PRR27: variants seen among roughly 807,000 people sequenced by gnomAD.
PRR27 encodes proline-rich protein 27.
A neutral mutation model predicts 16.8 loss-of-function variants in PRR27; 12 were observed. The ratio of observed to expected loss-of-function variants is 0.71; its 90% CI spans 0.46 to 1.16. The LOEUF is 1.16. Among genes scored for constraint, PRR27 ranks in the 50% most tolerant of loss-of-function variants. The pLI is 0.00. For synonymous variants in PRR27, 100 were observed against 98.4 expected (o/e 1.02, Z -0.10); for missense variants, 277 against 273.3 (o/e 1.01, Z -0.10).
chr4:70,158,730 G>A lies in PRR27; in HGVS notation c.478G>A (p.Ala160Thr), dbSNP rs1728558600. ...AGAPVAAEPA[A>T]EAPVGAEPAA... ...GGCCCCTGTTGCAGCTGAGCCTGCT[G>A]CAGAGGCACCTGTTGGAGCTGAGCC... Residue 160 changes from alanine to threonine, a missense_variant, in exon 3 of 5, where the codon GCA (alanine) becomes ACA (threonine). Coordinates refer to ENST00000344526, the MANE Select transcript of PRR27 (RefSeq NM_214711.4). 10 of 1,578,040 alleles carry A rather than the reference G, an allele frequency of 6.3e-6. No individual in the cohort carries two copies. The highest frequency in any genetic ancestry group is 5.4e-5 in the African/African-American group (4 of 74,302).
At chr4:70,158,297 A>AACAG (rs1728537882) in intron 2 of PRR27, 31 bp from the exon 3 acceptor site, 3 of 1,479,564 alleles carry the variant, frequency 2.0e-6, no homozygotes, top group East Asian at 2.3e-5. Context: ...GACAAATACA[A>AACAG]TCAACTTCGA....
At chr4:70,158,045 C>T (rs1728530337) in intron 2 of PRR27, among the ~76,000 whole-genome samples, 1 of 152,130 alleles carries the variant, frequency 6.6e-6, no homozygotes, top group Middle Eastern at 3.2e-3. Context: ...GAGTGCTTTC[C>T]TTCTATCTTT....
Position 70,154,393 on chromosome 4 carries a change from G to A in PRR27, c.18G>A (p.Trp6Ter), listed in dbSNP as rs1449924352. ...CAATCAAAATGAAGCTTCTCCTTTG[G>A]GCCTGCATTGTATGTGTTGCTTTTG... The part of the protein sequence containing the change: MKLLL[W>*]ACIVCVAFAR... The change falls in exon 1 of 5, where the codon TGG becomes TGA. Residue 6 changes from tryptophan to a stop codon, truncating the protein, a stop_gained. Coordinates refer to ENST00000344526, the MANE Select transcript of PRR27 (RefSeq NM_214711.4). LOFTEE classifies it high-confidence loss of function. 2 of 1,612,718 alleles carry A rather than the reference G, an allele frequency of 1.2e-6. No individual in the cohort carries two copies. The highest frequency in any genetic ancestry group is 2.7e-5 in the African/African-American group (2 of 74,922).
At chr4:70,162,609 CAT>C (rs1393461429) in intron 4 of PRR27, 84 bp from the exon 5 acceptor site, 1 of 152,100 alleles carries the variant, frequency 6.6e-6, no homozygotes, top group Non-Finnish European at 1.5e-5. Flanking sequence ...ACATTAAAAT[CAT>C]AAATCAAGAA....
At chr4:70,161,156 GTATATATA>G (rs371303125) in intron 3 of PRR27, among the ~76,000 whole-genome samples, 2 of 93,922 alleles carry the variant, frequency 2.1e-5, no homozygotes, top group Non-Finnish European at 3.8e-5. Context: ...TATGAACACT[GTATATATA>G]TATATATATA....
At chr4:70,159,172 T>C (rs986565345) in intron 3 of PRR27, among the ~76,000 whole-genome samples, 2 of 152,164 alleles carry the variant, frequency 1.3e-5, no homozygotes, top group Non-Finnish European at 2.9e-5. Context: ...TAATCCCACA[T>C]TCCCCATCCT....
chr4:70,158,280 T>C (rs1443143475), intron 2 of PRR27, 48 bp from the exon 3 acceptor site: 3 of 1,096,090 alleles, frequency 2.7e-6, no homozygotes, highest in African/African-American at 2.4e-5. Flanking sequence ...AAGTAATATA[T>C]AGACAGGACA....
chr4:70,158,052 C>A (rs968046928), intron 2 of PRR27, among the ~76,000 whole-genome samples: 1 of 152,186 alleles, frequency 6.6e-6, no homozygotes, highest in East Asian at 1.9e-4. Flanking sequence ...TTCCTTCTAT[C>A]TTTGTCCTGG....
Position 70,154,287 on chromosome 4 carries a change from C to A in PRR27, c.-89C>A, listed in dbSNP as rs929796577. 14 of 1,152,974 alleles carry A rather than the reference C, an allele frequency of 1.2e-5. No homozygotes were observed. Among genetic ancestry groups the A allele is most frequent in the Admixed American group, 9.8e-5 (5 of 50,894 alleles). 71.4% of individuals were successfully genotyped at this position (1,152,974 alleles called of 1,614,324 possible). A position where few individuals can be genotyped will look rare whatever the true frequency, so the allele number is the denominator to read the frequency against. On this transcript the variant is annotated 5_prime_UTR_variant, in exon 1 of 5. Transcript: ENST00000344526. ...AAGCCATGTATTCTTTCGTTTCTCT[C>A]TAAAAGAAGAAAAATATAATTTAAA... is the stretch of plus-strand genomic sequence containing the variant.
intron 1 of PRR27, chr4:70,154,850 C>A: frequency 1.1e-6 from 1 of 943,186 alleles, no homozygotes; most frequent in Non-Finnish European, 1.5e-6. Context: ...CACATCATAC[C>A]TTTAGTGGAC....
rs1213664149 is a variant in PRR27, at chr4:70,166,291, C to T, written c.*3630C>T. ...AATTTAAGTTAATTATAGGCCTTATCTCAGACCTTTGCAAGTAGCCTGAAT... is the reference window on the plus strand; with the variant it reads ...AATTTAAGTTAATTATAGGCCTTATTTCAGACCTTTGCAAGTAGCCTGAAT... On this transcript the variant is annotated 3_prime_UTR_variant, in exon 5 of 5. Transcript: ENST00000344526. The T allele has an allele frequency of 6.6e-6, 1 of 151,946 alleles. No homozygotes were observed. The highest frequency in any genetic ancestry group is 2.4e-5 in the African/African-American group (1 of 41,388). The allele number at this position is 151,946 out of a possible 1,614,324, so 9.4% of individuals were successfully genotyped here. A position where few individuals can be genotyped will look rare whatever the true frequency, so the allele number is the denominator to read the frequency against.
chr4:70,161,597 A>C lies in PRR27; in HGVS notation c.660A>C (p.Ter220CysextTer17). ...PSPSLEQANQ[*>C] is the part of the protein sequence containing the mutation. ...TTAATGTTTTCTAGGCAAATCAGTG[A>C]AATTCTCTAGAAGAGTACCATGGGT... Residue 220 changes from the stop codon to cysteine (C), a stop_lost, in exon 4 of 5, where the codon TGA (stop) becomes TGC (cysteine). Transcript: ENST00000344526. 6.6e-7 allele frequency: 1 copy of C among 1,516,070 alleles called. No homozygotes were observed. The highest frequency in any genetic ancestry group is 9.1e-7 in the Non-Finnish European group (1 of 1,099,608). 93.9% of individuals were successfully genotyped at this position (1,516,070 alleles called of 1,614,324 possible).
intron 4 of PRR27, among the ~76,000 whole-genome samples, chr4:70,162,009 A>G (rs777078102): frequency 6.6e-6 from 1 of 152,174 alleles, no homozygotes; most frequent in Non-Finnish European, 1.5e-5. Flanking sequence ...CCCTTCAGCC[A>G]CCATCCTACC....
rs1728721491 is a variant in PRR27 at position 70,164,468 on chromosome 4, A to G, written c.*1807A>G. The G allele has an allele frequency of 6.6e-6, 1 of 152,184 alleles. No individual in the cohort carries two copies. Among genetic ancestry groups the G allele is most frequent in the Admixed American group, 6.5e-5 (1 of 15,284 alleles). The allele number at this position is 152,184 out of a possible 1,614,324, so 9.4% of individuals were successfully genotyped here. A position where few individuals can be genotyped will look rare whatever the true frequency, so the allele number is the denominator to read the frequency against. On this transcript the variant is annotated 3_prime_UTR_variant, in exon 5 of 5. Coordinates refer to ENST00000344526, the MANE Select transcript of PRR27 (RefSeq NM_214711.4). Reference sequence around the variant, plus strand: ...CTCAAAAAATGAGAAACTTTCTTAGACAGTAAAATTGTTAACTTGAGATGT... The same window carrying G: ...CTCAAAAAATGAGAAACTTTCTTAGGCAGTAAAATTGTTAACTTGAGATGT...
In PRR27 at chr4:70,164,064, T is replaced by G. The variant is rs896468386; in HGVS notation, c.*1403T>G. 2 of 152,144 alleles carry G rather than the reference T, an allele frequency of 1.3e-5. No homozygotes were observed. Among genetic ancestry groups the G allele is most frequent in the Admixed American group, 1.3e-4 (2 of 15,270 alleles). The allele number at this position is 152,144 out of a possible 1,614,324, so 9.4% of individuals were successfully genotyped here. A position where few individuals can be genotyped will look rare whatever the true frequency, so the allele number is the denominator to read the frequency against. ...AATCCCTCTTCTGCAACCCAGTGCT[T>G]TTTGTTCTATTACTGACTTCTTTTC... On this transcript the variant is annotated 3_prime_UTR_variant, in exon 5 of 5. Transcript: ENST00000344526.
chr4:70,157,837 T>C (rs1183879315), intron 2 of PRR27, among the ~76,000 whole-genome samples: 2 of 152,004 alleles, frequency 1.3e-5, no homozygotes, highest in Non-Finnish European at 2.9e-5. Flanking sequence ...AAGGGAAGCA[T>C]TGATAAAGAG....
At chr4:70,158,926 T>C in intron 3 of PRR27, 26 bp downstream of exon 3, 2 of 1,547,918 alleles carry the variant, frequency 1.3e-6, no homozygotes, top group Non-Finnish European at 8.8e-7. Flanking sequence ...CTTACCACTA[T>C]AATGTATGAG....
chr4:70,156,374 TAC>T (rs1728475768), intron 2 of PRR27, among the ~76,000 whole-genome samples: 2 of 152,232 alleles, frequency 1.3e-5, no homozygotes, highest in African/African-American at 2.4e-5. Flanking sequence ...GCCTCTATTA[TAC>T]ATTGTCAGTA....
Position 70,158,710 on chromosome 4 carries a change from C to G in PRR27, c.458C>G (p.Pro153Arg). Residue 153 changes from proline to arginine, a missense_variant, in exon 3 of 5, where the codon CCT becomes CGT. Transcript: ENST00000344526. The part of the protein sequence containing the change: ...PVAAEPAAGA[P>R]VAAEPAAEAP... The stretch of plus-strand genomic sequence containing the variant: ...GCAGCTGAGCCTGCTGCAGGGGCCC[C>G]TGTTGCAGCTGAGCCTGCTGCAGAG... 6.3e-7 allele frequency: 1 copy of G among 1,581,864 alleles called. No homozygotes were observed. The highest frequency in any genetic ancestry group is 1.7e-5 in the Admixed American group (1 of 59,360).
Sources: gnomAD v4.1 joint callset for allele counts (sites outside exome capture counted in the v4.1 genomes callset) on GRCh38, gnomAD v4.1.1 for gene constraint, MANE v1.5 for transcripts, NCBI Gene and HGNC (gene_info 2026-07-23, HGNC 2026-07-21) for gene names.